ABAT: variants seen among roughly 807,000 people sequenced by gnomAD.
ABAT encodes the protein 4-aminobutyrate aminotransferase, mitochondrial.
A neutral mutation model predicts 64.6 loss-of-function variants in ABAT; 45 were observed. That is an observed-to-expected ratio of 0.70 (90% CI 0.55 to 0.89). ABAT has a LOEUF of 0.89. Ranked by LOEUF, ABAT falls within the 40% of genes least tolerant of loss-of-function variation. The pLI, the probability that ABAT is intolerant of heterozygous loss-of-function variation, is 0.00. For missense variants in ABAT, 633 were observed against 658.4 expected (o/e 0.96, Z 0.42); for synonymous variants, 297 against 250.5 (o/e 1.19, Z -1.75).
intron 1 of ABAT, among the ~76,000 whole-genome samples, chr16:8,699,265 A>G (rs1446024347): frequency 6.6e-6 from 1 of 152,198 alleles, no homozygotes; most frequent in Non-Finnish European, 1.5e-5. Flanking sequence ...CATCTTTGGA[A>G]TGTACAAATG....
rs759203240 is a variant in ABAT, at chr16:8,764,089, C to G, written c.387C>G (p.Pro129=). Residue 129 remains proline, a synonymous_variant, in exon 7 of 16, where the codon CCC becomes CCG. Transcript: ENST00000268251. This position sits in a 1 kb window ranked among gnomAD's most constrained non-coding sequence, Gnocchi z 4.2. Reference sequence around the variant, plus strand: ...TGCAGAGCATGTTTGTCAACAGACCCGCCCTCGGAATCCTGCCTCCGGAGA... The same window carrying G: ...TGCAGAGCATGTTTGTCAACAGACCGGCCCTCGGAATCCTGCCTCCGGAGA... ...PQNASMFVNR[P]ALGILPPENF... is the part of the protein sequence containing the mutation. 1.2e-6 allele frequency: 2 copies of G among 1,613,742 alleles called. No homozygotes were observed.
intron 1 of ABAT, among the ~76,000 whole-genome samples, chr16:8,732,358 G>A (rs948491635): frequency 2.2e-4 from 33 of 150,968 alleles, no homozygotes; most frequent in African/African-American, 8.1e-4. Context: ...CCTAGGCAGA[G>A]GACCCTGCGG....
chr16:8,702,427 A>G (rs987938501), intron 1 of ABAT, among the ~76,000 whole-genome samples: 2 of 151,986 alleles, frequency 1.3e-5, no homozygotes, highest in African/African-American at 4.8e-5. Flanking sequence ...TAATTTTTAT[A>G]TTTTTAGTAG....
chr16:8,711,786 AGATGGATGGATG>A (rs59128291), intron 1 of ABAT, among the ~76,000 whole-genome samples: 14 of 137,202 alleles, frequency 1.0e-4, no homozygotes, highest in Admixed American at 6.5e-4. Flanking sequence ...ATGGATGGGA[AGATGGATGGATG>A]GATGGATGGA....
intron 4 of ABAT, among the ~76,000 whole-genome samples, chr16:8,749,938 C>T (rs1347804587): frequency 6.6e-6 from 1 of 152,038 alleles, no homozygotes; most frequent in Non-Finnish European, 1.5e-5. Flanking sequence ...TGGTCTTGAT[C>T]TCCTGACTTC....
chr16:8,712,871 A>T (rs2058108411), intron 1 of ABAT: 1 of 152,256 alleles, frequency 6.6e-6, no homozygotes, highest in Non-Finnish European at 1.5e-5. Flanking sequence ...TGCAGCCTCC[A>T]TTCTGGGTGC....
chr16:8,723,825 A>G (rs554925815), intron 1 of ABAT, among the ~76,000 whole-genome samples: 10 of 51,174 alleles, frequency 2.0e-4, no homozygotes, highest in African/African-American at 7.8e-4. Context: ...ATATATATAT[A>G]TATTTTTTTT....
At chr16:8,706,417 A>G (rs2057945621) in intron 1 of ABAT, among the ~76,000 whole-genome samples, 1 of 147,350 alleles carries the variant, frequency 6.8e-6, no homozygotes, top group African/African-American at 2.5e-5. Context: ...AAAAAAAAAA[A>G]AAAAAAGAAA....
chr16:8,735,906 C>T, intron 2 of ABAT, 97 bp downstream of exon 2: 2 of 1,063,524 alleles, frequency 1.9e-6, no homozygotes, highest in Non-Finnish European at 2.8e-6. Context: ...GATAAAGGGA[C>T]CAGCCAGTGA....
At chr16:8,704,480 T>C (rs1259707589) in intron 1 of ABAT, among the ~76,000 whole-genome samples, 1 of 152,206 alleles carries the variant, frequency 6.6e-6, no homozygotes, top group African/African-American at 2.4e-5. Context: ...AAATTAATAA[T>C]ACAGGTTATT....
intron 1 of ABAT, among the ~76,000 whole-genome samples, chr16:8,687,731 C>T (rs1291340209): frequency 6.6e-6 from 1 of 152,182 alleles, no homozygotes; most frequent in Non-Finnish European, 1.5e-5. Flanking sequence ...GGGGAAAGTC[C>T]TGAGTCTGGA....
chr16:8,687,965 C>A (rs9935013), intron 1 of ABAT, among the ~76,000 whole-genome samples: 1,798 of 152,088 alleles, frequency 0.012, 42 homozygotes, highest in African/African-American at 0.037. Flanking sequence ...CTGGCACCAT[C>A]GTAGCTTACT....
rs984314029 is a variant in ABAT at position 8,730,638 on chromosome 16, T to C, written c.-41-5061T>C. Among the ~76,000 whole-genome samples, 4 of 152,286 alleles carry C rather than the reference T, an allele frequency of 2.6e-5. No individual in the cohort carries two copies. The East Asian group carries it at 5.8e-4, about 22-fold the overall frequency. On this transcript the variant is annotated intron_variant, in intron 1 of 15. Transcript: ENST00000268251. ...GAAGCAGGGGGTGGGAGAAGCCTCTTGGTCTTCATCCAGGTCTAGGATGGA... is the reference window on the plus strand; with the variant it reads ...GAAGCAGGGGGTGGGAGAAGCCTCTCGGTCTTCATCCAGGTCTAGGATGGA...
intron 1 of ABAT, among the ~76,000 whole-genome samples, chr16:8,721,529 G>A (rs953710589): frequency 1.3e-5 from 2 of 152,150 alleles, no homozygotes; most frequent in Admixed American, 6.5e-5. Context: ...GAAATTTCTG[G>A]CTTTTGAGCT....
intron 2 of ABAT, among the ~76,000 whole-genome samples, chr16:8,738,154 CTGTGAAAAA>C (rs2059037815): frequency 6.6e-6 from 1 of 151,350 alleles, no homozygotes; most frequent in Non-Finnish European, 1.5e-5. Context: ...GACCCTGTCT[CTGTGAAAAA>C]TACAAAACTT....
Position 8,745,984 on chromosome 16 carries a change from G to A in ABAT, c.71-17G>A. On this transcript the variant is annotated splice_polypyrimidine_tract_variant and intron_variant, in intron 2 of 15. Transcript: ENST00000268251. ...CTGCTGTCACCAGGGATTTCTCATT[G>A]TCTTTGTTTACTGCAGGATCCAGAC... 1 of 1,611,774 alleles carries A rather than the reference G, an allele frequency of 6.2e-7. No individual in the cohort carries two copies. The highest frequency in any genetic ancestry group is 8.5e-7 in the Non-Finnish European group (1 of 1,178,078).
At chr16:8,738,332 T>A (rs892001048) in intron 2 of ABAT, 2 of 442,606 alleles carry the variant, frequency 4.5e-6, no homozygotes, top group South Asian at 3.2e-5. Flanking sequence ...AATAGATAAA[T>A]AAGTTTTTAA....
At chr16:8,771,537 C>T (rs1051511036) in intron 11 of ABAT, among the ~76,000 whole-genome samples, 4 of 148,874 alleles carry the variant, frequency 2.7e-5, no homozygotes, top group Admixed American at 1.3e-4. Flanking sequence ...CACGATATCT[C>T]GGCTCATTGC....
Position 8,776,513 on chromosome 16 carries a change from GC to G in ABAT, c.1269+28del. 1 of 1,125,462 alleles carries G rather than the reference GC, an allele frequency of 8.9e-7. No individual in the cohort carries two copies. Among genetic ancestry groups the G allele is most frequent in the Non-Finnish European group, 1.2e-6 (1 of 802,224 alleles). 69.7% of individuals were successfully genotyped at this position (1,125,462 alleles called of 1,614,324 possible). On this transcript the variant is annotated intron_variant, in intron 14 of 15. Transcript: ENST00000268251. This position sits in a 1 kb window ranked among gnomAD's most constrained non-coding sequence, Gnocchi z 4.4. ...CAGGTAACACCCCCTCCCCTGCCCC[GC>G]CCCCACCACCCATGGCTCCCCGCAG...
Sources: gnomAD v4.1 joint callset for allele counts (sites outside exome capture counted in the v4.1 genomes callset) on GRCh38, gnomAD v4.1.1 for gene constraint, Gnocchi (gnomAD v3.1) non-coding constraint, MANE v1.5 for transcripts, NCBI Gene and HGNC (gene_info 2026-07-23, HGNC 2026-07-21) for gene names.